DLGAP2: variants seen among roughly 807,000 people sequenced by gnomAD.
DLGAP2 encodes the protein disks large-associated protein 2.
DLGAP2 carries 26 observed loss-of-function variants against 100.3 expected under a neutral mutation model. The ratio of observed to expected loss-of-function variants is 0.26; its 90% CI spans 0.19 to 0.36. DLGAP2 has a LOEUF of 0.36. Among genes scored for constraint, DLGAP2 ranks in the 10% least tolerant of loss-of-function variants. The probability of loss-of-function intolerance (pLI) is 1.00; values close to 1 mark genes in which losing one functional copy is unlikely to be tolerated. For synonymous variants in DLGAP2, 886 were observed against 630.1 expected, an observed-to-expected ratio of 1.41 and a Z score of -6.08; for missense variants, 1,858 against 1,453.2, an observed-to-expected ratio of 1.28 and a Z score of -4.53.
intron 1 of DLGAP2, among the ~76,000 whole-genome samples, chr8:742,046 C>G (rs74379687): frequency 0.014 from 2,096 of 152,262 alleles, 50 homozygotes; most frequent in African/African-American, 0.048. Flanking sequence ...TATGCCTGAA[C>G]CATCATTACC....
At chr8:1,480,675 C>T (rs566427963) in intron 3 of DLGAP2, among the ~76,000 whole-genome samples, 10 of 150,020 alleles carry the variant, frequency 6.7e-5, no homozygotes, top group Middle Eastern at 3.4e-3. Flanking sequence ...TGTGGTGAAA[C>T]CCCATCTCTA....
At chr8:1,148,442 T>G (rs938858519) in intron 2 of DLGAP2, among the ~76,000 whole-genome samples, 1 of 152,088 alleles carries the variant, frequency 6.6e-6, no homozygotes. Flanking sequence ...TACACTGTGT[T>G]TTTAAATTAA....
chr8:1,590,696 G>A (rs1466009524), intron 6 of DLGAP2, among the ~76,000 whole-genome samples: 1 of 152,138 alleles, frequency 6.6e-6, no homozygotes, highest in East Asian at 1.9e-4. Flanking sequence ...TAAGAAATTG[G>A]TTGCTCAAAA....
At chr8:802,430 C>T (rs1796188828) in intron 1 of DLGAP2, among the ~76,000 whole-genome samples, 1 of 152,246 alleles carries the variant, frequency 6.6e-6, no homozygotes, top group South Asian at 2.1e-4. Context: ...GCAGCATCTC[C>T]ACCCTGGGGT....
At chr8:1,532,300 G>A (rs184357495) in intron 4 of DLGAP2, among the ~76,000 whole-genome samples, 2 of 152,228 alleles carry the variant, frequency 1.3e-5, no homozygotes, top group African/African-American at 2.4e-5. Flanking sequence ...CTGCCATTCC[G>A]ATCCTTCTCT....
intron 3 of DLGAP2, among the ~76,000 whole-genome samples, chr8:1,334,714 C>A (rs1801232673): frequency 6.6e-6 from 1 of 152,266 alleles, no homozygotes; most frequent in South Asian, 2.1e-4. Context: ...AGCAGCCAGG[C>A]CGTGTGCCTT....
At chr8:1,261,505 C>A (rs1321756028) in intron 3 of DLGAP2, among the ~76,000 whole-genome samples, 1 of 146,490 alleles carries the variant, frequency 6.8e-6, no homozygotes, top group Non-Finnish European at 1.5e-5. Flanking sequence ...AAGACTCCCC[C>A]TGTCCGGTGG....
intron 2 of DLGAP2, among the ~76,000 whole-genome samples, chr8:947,485 C>T (rs1382575463): frequency 2.0e-5 from 3 of 152,222 alleles, no homozygotes; most frequent in East Asian, 1.9e-4. Flanking sequence ...GAGACGGTGG[C>T]GGCTGTGTTC....
chr8:1,317,365 C>T (rs1253363167), intron 3 of DLGAP2, among the ~76,000 whole-genome samples: 326 of 105,634 alleles, frequency 3.1e-3, no homozygotes, highest in Admixed American at 5.5e-3. Context: ...TCGAGAAACT[C>T]GGCAGCTTTT....
intron 2 of DLGAP2, among the ~76,000 whole-genome samples, chr8:1,007,952 A>G (rs534755064): frequency 5.3e-5 from 8 of 152,326 alleles, no homozygotes; most frequent in Admixed American, 3.9e-4. Flanking sequence ...CTCGCTGGTG[A>G]CAGGACGCCC....
chr8:997,043 A>G (rs1800801654), intron 2 of DLGAP2, among the ~76,000 whole-genome samples: 1 of 152,226 alleles, frequency 6.6e-6, no homozygotes, highest in Admixed American at 6.5e-5. Context: ...TTTCAGCAGT[A>G]GGAGAATAGA....
chr8:1,187,437 TCA>T (rs1328307099), intron 2 of DLGAP2, among the ~76,000 whole-genome samples: 4 of 136,638 alleles, frequency 2.9e-5, no homozygotes, highest in African/African-American at 6.0e-5. Context: ...GACGTTTGCC[TCA>T]CGGAATCTCA....
At chr8:1,695,782 C>A (rs77798826) in intron 13 of DLGAP2, among the ~76,000 whole-genome samples, 1,580 of 152,348 alleles carry the variant, frequency 0.01, 23 homozygotes, top group African/African-American at 0.035. Flanking sequence ...CTGGCCTGCC[C>A]TGAGGCTGCA....
intron 2 of DLGAP2, among the ~76,000 whole-genome samples, chr8:1,132,727 T>C (rs1796320566): frequency 6.6e-6 from 1 of 152,118 alleles, no homozygotes; most frequent in African/African-American, 2.4e-5. Flanking sequence ...GCAAGGATTT[T>C]TAAAGGTAGG....
chr8:896,634 C>T (rs532235965), intron 1 of DLGAP2, among the ~76,000 whole-genome samples: 17 of 152,138 alleles, frequency 1.1e-4, no homozygotes, highest in African/African-American at 2.7e-4. Context: ...TGTTGGTATT[C>T]GTGCCCTTGT....
chr8:1,049,465 C>T (rs1285588773), intron 2 of DLGAP2, among the ~76,000 whole-genome samples: 3 of 152,150 alleles, frequency 2.0e-5, no homozygotes, highest in East Asian at 1.9e-4. Flanking sequence ...TAACGTCACA[C>T]GGGAATACAA....
chr8:1,687,819 A>G (rs1585065095), intron 12 of DLGAP2, among the ~76,000 whole-genome samples: 1 of 152,368 alleles, frequency 6.6e-6, no homozygotes, highest in East Asian at 1.9e-4. Context: ...GAGGAAGCAT[A>G]GAGTTGGCAA....
At chr8:1,586,425 C>T (rs1033849355) in intron 6 of DLGAP2, among the ~76,000 whole-genome samples, 1 of 152,206 alleles carries the variant, frequency 6.6e-6, no homozygotes, top group African/African-American at 2.4e-5. Context: ...CTGCAGACCC[C>T]TCCTGTCTCA....
At chr8:1,176,519 C>T (rs188594680) in intron 2 of DLGAP2, among the ~76,000 whole-genome samples, 1 of 152,176 alleles carries the variant, frequency 6.6e-6, no homozygotes, top group Non-Finnish European at 1.5e-5. Flanking sequence ...GGAGATCCTG[C>T]CCTCACAGCC....
Sources: gnomAD v4.1 joint callset for allele counts (sites outside exome capture counted in the v4.1 genomes callset) on GRCh38, gnomAD v4.1.1 for gene constraint, MANE v1.5 for transcripts, NCBI Gene and HGNC (gene_info 2026-07-23, HGNC 2026-07-21) for gene names.